The following ZFHX3 variants were observed in gnomAD, a reference collection of about 807,000 sequenced individuals.
ZFHX3 encodes zinc finger homeobox protein 3.
A neutral mutation model predicts 279.1 loss-of-function variants in ZFHX3; 42 were observed. The observed-to-expected ratio is 0.15, with a 90% CI of 0.12 to 0.19. The LOEUF is 0.19. Ranked by LOEUF, ZFHX3 falls within the 10% of genes least tolerant of loss-of-function variation. The pLI is 1.00. For missense variants in ZFHX3, 4,981 were observed against 4,754.0 expected (o/e 1.05, Z -1.40); for synonymous variants, 2,293 against 1,957.8 (o/e 1.17, Z -4.52).
chr16:73,145,791 T>C (rs1188431352), intron 5 of ZFHX3, among the ~76,000 whole-genome samples: 2 of 152,214 alleles, frequency 1.3e-5, no homozygotes, highest in African/African-American at 4.8e-5. Flanking sequence ...ATGGGGCTGA[T>C]TGGTTCTTGA....
At chr16:72,855,980 G>A (rs1226005998) in intron 4 of ZFHX3, among the ~76,000 whole-genome samples, 1 of 152,246 alleles carries the variant, frequency 6.6e-6, no homozygotes, top group Non-Finnish European at 1.5e-5. Context: ...AGAACACCAA[G>A]CACAGAGGTT....
chr16:73,787,843 G>A (rs932738478), intron 1 of ZFHX3, among the ~76,000 whole-genome samples: 9 of 150,804 alleles, frequency 6.0e-5, no homozygotes, highest in Admixed American at 1.3e-4. Flanking sequence ...GTGTGTGTGT[G>A]TGTGTGTGTG....
At chr16:73,359,915 TA>T (rs979008572) in intron 3 of ZFHX3, among the ~76,000 whole-genome samples, 1 of 147,410 alleles carries the variant, frequency 6.8e-6, no homozygotes, top group Non-Finnish European at 1.5e-5. Flanking sequence ...ATTTTTTTTT[TA>T]AATGATCAAA....
chr16:73,582,567 T>C (rs920591189), intron 2 of ZFHX3, among the ~76,000 whole-genome samples: 10 of 151,868 alleles, frequency 6.6e-5, no homozygotes, highest in Non-Finnish European at 2.9e-5. Flanking sequence ...CTCCACCTCC[T>C]GGGTTCAAGC....
At chr16:73,070,922 GCGCGCGCGCGCGCGCGCACA>G (rs1567657002) in intron 8 of ZFHX3, among the ~76,000 whole-genome samples, 1 of 29,352 alleles carries the variant, frequency 3.4e-5, no homozygotes, top group African/African-American at 9.7e-5. Context: ...TCTTGCGCGC[GCGCGCGCGCGCGCGCGCACA>G]CACACACACA....
chr16:73,879,437 T>G (rs1174328653), intron 1 of ZFHX3, among the ~76,000 whole-genome samples: 1 of 152,022 alleles, frequency 6.6e-6, no homozygotes, highest in African/African-American at 2.4e-5. Context: ...TTCCCACATT[T>G]CCACCGGCAT....
At chr16:73,667,344 G>T (rs540936373) in intron 2 of ZFHX3, among the ~76,000 whole-genome samples, 3 of 152,282 alleles carry the variant, frequency 2.0e-5, no homozygotes, top group East Asian at 3.9e-4. Context: ...ACGGTTTCCA[G>T]GTTTTGGCGA....
intron 2 of ZFHX3, among the ~76,000 whole-genome samples, chr16:73,489,068 T>A (rs1324919430): frequency 6.6e-6 from 1 of 152,170 alleles, no homozygotes; most frequent in Non-Finnish European, 1.5e-5. Context: ...GAACTCCAGA[T>A]TTTCTGAGCA....
At chr16:73,446,021 C>A (rs916679621) in intron 3 of ZFHX3, among the ~76,000 whole-genome samples, 2 of 152,190 alleles carry the variant, frequency 1.3e-5, no homozygotes, top group African/African-American at 4.8e-5. Context: ...GATCACCTTA[C>A]AAATAAATGA....
At chr16:73,682,982 GAAAGAAAGAAAAGAAAGAAAGAAAGAAA>G (rs1567550788) in intron 1 of ZFHX3, among the ~76,000 whole-genome samples, 2 of 28,558 alleles carry the variant, frequency 7.0e-5, no homozygotes, top group East Asian at 4.4e-3. Flanking sequence ...AAGAAAGAAA[GAAAGAAAGAAAAGAAAGAAAGAAAGAAA>G]GAGAAAGGAG....
intron 8 of ZFHX3, among the ~76,000 whole-genome samples, chr16:73,073,916 CATCTCAAT>C (rs1467489347): frequency 6.6e-6 from 1 of 152,216 alleles, no homozygotes; most frequent in Non-Finnish European, 1.5e-5. Flanking sequence ...TCATTCTCAT[CATCTCAAT>C]ATCTCATCAT....
chr16:73,795,119 A>G (rs1959953510), intron 1 of ZFHX3, among the ~76,000 whole-genome samples: 1 of 152,198 alleles, frequency 6.6e-6, no homozygotes, highest in Non-Finnish European at 1.5e-5. Context: ...ATGAGCTGCC[A>G]GCCAAAGGAG....
intron 4 of ZFHX3, among the ~76,000 whole-genome samples, chr16:73,264,962 G>GTA (rs1464145486): frequency 1.3e-5 from 2 of 150,266 alleles, no homozygotes; most frequent in African/African-American, 4.9e-5. Context: ...ATATATGTGT[G>GTA]TATATATGTG....
At chr16:73,685,207 A>G (rs1365667757) in intron 1 of ZFHX3, among the ~76,000 whole-genome samples, 1 of 150,588 alleles carries the variant, frequency 6.6e-6, no homozygotes, top group African/African-American at 2.4e-5. Context: ...TGCTAGAGAC[A>G]GGGTTTCACC....
At chr16:73,414,014 C>T (rs1392484274) in intron 3 of ZFHX3, among the ~76,000 whole-genome samples, 1 of 152,210 alleles carries the variant, frequency 6.6e-6, no homozygotes, top group Non-Finnish European at 1.5e-5. Context: ...CTGACAAGTC[C>T]TGCAGTTAAA....
At chr16:73,026,111 C>A (rs539083996) in intron 1 of ZFHX3, among the ~76,000 whole-genome samples, 20 of 141,448 alleles carry the variant, frequency 1.4e-4, no homozygotes, top group Non-Finnish European at 3.0e-4. Context: ...CTTAGGGAAG[C>A]AGAGGTGGGT....
At chr16:72,843,773 T>C (rs183591449) in intron 4 of ZFHX3, among the ~76,000 whole-genome samples, 17 of 152,214 alleles carry the variant, frequency 1.1e-4, no homozygotes, top group African/African-American at 3.9e-4. Flanking sequence ...GTACCATAGT[T>C]GTTCAAAGCA....
intron 2 of ZFHX3, among the ~76,000 whole-genome samples, chr16:73,645,522 T>G (rs903154468): frequency 1.1e-4 from 16 of 152,150 alleles, no homozygotes; most frequent in Non-Finnish European, 1.5e-4. Context: ...TCCCAAAGTG[T>G]AAAGGACCAT....
chr16:73,794,692 C>T (rs1039608637), intron 1 of ZFHX3, among the ~76,000 whole-genome samples: 5 of 152,206 alleles, frequency 3.3e-5, no homozygotes, highest in African/African-American at 1.2e-4. Flanking sequence ...AACAGCTTTA[C>T]ATCTTTCCTA....
Sources: allele counts gnomAD v4.1 joint callset (sites outside exome capture counted in the v4.1 genomes callset), GRCh38; gene constraint gnomAD v4.1.1; transcripts MANE v1.5; gene names NCBI Gene and HGNC (gene_info 2026-07-23, HGNC 2026-07-21).